The following SOX6 variants were observed in gnomAD, a reference collection of about 807,000 sequenced individuals.
The protein encoded by SOX6 is transcription factor SOX-6.
A neutral mutation model predicts 97.8 loss-of-function variants in SOX6; 11 were observed. The ratio of observed to expected loss-of-function variants is 0.11; its 90% CI spans 0.07 to 0.19. The LOEUF (loss-of-function observed/expected upper bound fraction) is 0.19, where lower values mean the gene tolerates loss of function less well. SOX6 is among the 10% of genes least tolerant of loss of function. The pLI is 1.00. For synonymous variants in SOX6, 360 were observed against 371.4 expected, an observed-to-expected ratio of 0.97 and a Z score of 0.35; for missense variants, 810 against 1,039.5, an observed-to-expected ratio of 0.78 and a Z score of 3.04.
chr11:16,338,863 T>C (rs756417162), intron 2 of SOX6, among the ~76,000 whole-genome samples: 12 of 152,020 alleles, frequency 7.9e-5, no homozygotes, highest in Non-Finnish European at 1.3e-4. Flanking sequence ...TTTTAGATCA[T>C]AAAAGTTTGA....
At chr11:16,251,512 TAAAACAG>T (rs1281336802) in intron 3 of SOX6, among the ~76,000 whole-genome samples, 2 of 152,022 alleles carry the variant, frequency 1.3e-5, no homozygotes, top group Non-Finnish European at 2.9e-5. Context: ...AAACTTTAAA[TAAAACAG>T]AAAACTTCCT....
intron 1 of SOX6, among the ~76,000 whole-genome samples, chr11:16,442,917 G>A (rs991565949): frequency 6.6e-6 from 1 of 151,936 alleles, no homozygotes; most frequent in African/African-American, 2.4e-5. Flanking sequence ...TATTTTCCAG[G>A]TTCATATCAG....
Position 15,986,407 on chromosome 11 carries a change from T to C in SOX6, c.1980A>G (p.Lys660=), listed in dbSNP as rs1419653171. 5 of 1,614,082 alleles carry C rather than the reference T, an allele frequency of 3.1e-6. No homozygotes were observed. Among genetic ancestry groups the C allele is most frequent in the Admixed American group, 1.7e-5 (1 of 60,004 alleles). ...GTTGCTTCTCCTGGTTGGACATTGATTTCCAGCGAGATCCTAGAAATAAAA... is the reference window on the plus strand; with the variant it reads ...GTTGCTTCTCCTGGTTGGACATTGACTTCCAGCGAGATCCTAGAAATAAAA... ...NISKILGSRW[K]SMSNQEKQPY... is the part of the protein sequence containing the mutation. Residue 660 remains lysine, a synonymous_variant, in exon 15 of 16, where the codon AAA becomes AAG. Transcript: ENST00000683767.
At chr11:16,644,023 G>C (rs1165907830) in intron 3 of SOX6, among the ~76,000 whole-genome samples, 1 of 152,152 alleles carries the variant, frequency 6.6e-6, no homozygotes, top group Admixed American at 6.5e-5. Flanking sequence ...CTGTAGACTG[G>C]AGCTGTTCCT....
At chr11:15,994,657 A>G (rs1854167999) in intron 13 of SOX6, among the ~76,000 whole-genome samples, 1 of 152,168 alleles carries the variant, frequency 6.6e-6, no homozygotes, top group African/African-American at 2.4e-5. Context: ...AATAAAGAAT[A>G]GAATAGAGGA....
At chr11:16,533,767 A>G (rs571419872) in intron 4 of SOX6, among the ~76,000 whole-genome samples, 36 of 152,228 alleles carry the variant, frequency 2.4e-4, no homozygotes, top group South Asian at 1.0e-3. Flanking sequence ...TCATTTGGTG[A>G]CAATAAATTT....
chr11:16,419,983 A>G (rs755938206), intron 1 of SOX6, among the ~76,000 whole-genome samples: 4 of 152,202 alleles, frequency 2.6e-5, no homozygotes, highest in Non-Finnish European at 5.9e-5. Context: ...GATTTCTCAA[A>G]GTGAATCAAA....
intron 4 of SOX6, among the ~76,000 whole-genome samples, chr11:16,571,908 C>T (rs1182829739): frequency 1.3e-5 from 2 of 152,222 alleles, no homozygotes; most frequent in African/African-American, 4.8e-5. Flanking sequence ...CCACTTTGGC[C>T]TCCCAAAGTG....
intron 4 of SOX6, among the ~76,000 whole-genome samples, chr11:16,197,345 A>C (rs968754292): frequency 3.3e-5 from 5 of 152,138 alleles, no homozygotes; most frequent in African/African-American, 1.2e-4. Context: ...CAGGCGCTTA[A>C]AAAAACCTTC....
chr11:16,050,636 A>G (rs1415237952), intron 10 of SOX6, among the ~76,000 whole-genome samples: 2 of 152,152 alleles, frequency 1.3e-5, no homozygotes, highest in African/African-American at 4.8e-5. Context: ...ATGCTTTTCT[A>G]CATATATTTA....
At position 15,986,296 on chromosome 11, in the gene SOX6, G is replaced by C; in HGVS notation, c.2091C>G (p.Thr697=). The C allele has an allele frequency of 1.9e-6, 3 of 1,614,122 alleles. No individual in the cohort carries two copies. The highest frequency in any genetic ancestry group is 2.5e-6 in the Non-Finnish European group (3 of 1,180,016). The change falls in exon 15 of 16, where the codon ACC becomes ACG. Residue 697 remains threonine, a synonymous_variant. Coordinates refer to ENST00000683767, the MANE Select transcript of SOX6 (RefSeq NM_001367873.1). ...GAAGCTTTTTGCCATCAACAATGCA[G>C]GTGCGTTTCGGTCGGGGTTTGTATT... ...NYKYKPRPKR[T]CIVDGKKLRI...
intron 1 of SOX6, among the ~76,000 whole-genome samples, chr11:16,344,402 A>G (rs906907881): frequency 6.6e-6 from 1 of 151,966 alleles, no homozygotes; most frequent in African/African-American, 2.4e-5. Flanking sequence ...AATAATCCTG[A>G]TGACATCTCA....
At chr11:16,109,066 C>T (rs531297290) in intron 7 of SOX6, among the ~76,000 whole-genome samples, 1 of 152,060 alleles carries the variant, frequency 6.6e-6, no homozygotes, top group East Asian at 1.9e-4. Flanking sequence ...TTTATAAAGA[C>T]CAAGGTAGCA....
intron 1 of SOX6, among the ~76,000 whole-genome samples, chr11:16,395,721 A>C (rs924830932): frequency 6.6e-6 from 1 of 151,952 alleles, no homozygotes; most frequent in African/African-American, 2.4e-5. Context: ...TTTCCCTACC[A>C]TACAAGGAAT....
At chr11:16,272,742 A>G (rs1854293852) in intron 3 of SOX6, among the ~76,000 whole-genome samples, 2 of 151,790 alleles carry the variant, frequency 1.3e-5, no homozygotes, top group Admixed American at 6.6e-5. Context: ...TTAAGTTCCC[A>G]TATACATTCA....
chr11:16,268,935 G>T (rs976087506), intron 3 of SOX6, among the ~76,000 whole-genome samples: 1 of 150,362 alleles, frequency 6.7e-6, no homozygotes, highest in East Asian at 1.9e-4. Context: ...TTATTTGTAT[G>T]TATTCAAATC....
intron 3 of SOX6, among the ~76,000 whole-genome samples, chr11:16,280,128 A>T (rs1854511910): frequency 6.6e-6 from 1 of 152,142 alleles, no homozygotes; most frequent in Admixed American, 6.6e-5. Context: ...AACCATGGAC[A>T]TATGTATATG....
intron 3 of SOX6, among the ~76,000 whole-genome samples, chr11:16,684,774 G>GC (rs1156233741): frequency 6.6e-5 from 10 of 151,224 alleles, no homozygotes; most frequent in Non-Finnish European, 1.0e-4. Flanking sequence ...CTTTCTCTTT[G>GC]GAAAAAAAAA....
At chr11:16,640,233 A>T (rs1437859219) in intron 3 of SOX6, among the ~76,000 whole-genome samples, 1 of 152,036 alleles carries the variant, frequency 6.6e-6, no homozygotes, top group Admixed American at 6.6e-5. Flanking sequence ...CGTATTTTGA[A>T]CCAGCCTTGC....
Sources: gnomAD v4.1 joint callset for allele counts (sites outside exome capture counted in the v4.1 genomes callset) on GRCh38, gnomAD v4.1.1 for gene constraint, MANE v1.5 for transcripts, NCBI Gene and HGNC (gene_info 2026-07-23, HGNC 2026-07-21) for gene names.